The following F13A1 variants were observed in gnomAD, a reference collection of about 807,000 sequenced individuals.
F13A1 encodes the protein coagulation factor XIII A chain.
A neutral mutation model predicts 80.1 loss-of-function variants in F13A1; 47 were observed. The observed-to-expected ratio is 0.59, with a 90% confidence interval of 0.46 to 0.75. The LOEUF is 0.75. Ranked by LOEUF, F13A1 falls within the 30% of genes least tolerant of loss-of-function variation. The pLI is 0.00. For synonymous variants in F13A1, 349 were observed against 344.9 expected (o/e 1.01, Z -0.13); for missense variants, 817 against 930.4 (o/e 0.88, Z 1.59).
chr6:6,284,552 G>A (rs1758109288), intron 3 of F13A1, among the ~76,000 whole-genome samples: 1 of 152,182 alleles, frequency 6.6e-6, no homozygotes, highest in Admixed American at 6.5e-5. Context: ...GATTGCATGA[G>A]GGGAGCACAT....
chr6:6,204,058 G>A (rs531326742), intron 8 of F13A1, among the ~76,000 whole-genome samples: 8 of 152,310 alleles, frequency 5.3e-5, no homozygotes, highest in African/African-American at 9.6e-5. Context: ...AGCCTATGGG[G>A]TGGTGAAGAG....
At chr6:6,175,947 C>T (rs1369817406) in intron 11 of F13A1, among the ~76,000 whole-genome samples, 1 of 152,212 alleles carries the variant, frequency 6.6e-6, no homozygotes, top group African/African-American at 2.4e-5. Context: ...GAGCTTATGC[C>T]TCAGACACTG....
In F13A1 at chr6:6,247,542, G is replaced by A. The variant is rs112403938; in HGVS notation, c.798+770C>T. On this transcript the variant is annotated intron_variant, in intron 6 of 14. Coordinates refer to ENST00000264870, the MANE Select transcript of F13A1 (RefSeq NM_000129.4). The stretch of plus-strand genomic sequence containing the variant: ...GTCCTGGACATCCCATTTAATCCAC[G>A]TCCTATGCCTGGCCCACCCTTCCCA... Among the ~76,000 whole-genome samples, 312 of 152,150 alleles carry A rather than the reference G, an allele frequency of 2.1e-3. 1 individual carries two copies. The highest frequency in any genetic ancestry group is 7.3e-3 in the African/African-American group (302 of 41,508).
chr6:6,179,011 AG>A (rs1234306467), intron 11 of F13A1, among the ~76,000 whole-genome samples: 1 of 152,236 alleles, frequency 6.6e-6, no homozygotes, highest in Non-Finnish European at 1.5e-5. Flanking sequence ...ACGCAAGTCC[AG>A]GCAGCGCTCC....
intron 8 of F13A1, among the ~76,000 whole-genome samples, chr6:6,210,571 T>C (rs897984620): frequency 6.7e-6 from 1 of 149,698 alleles, no homozygotes; most frequent in Admixed American, 6.6e-5. Context: ...TTTTCTGTAT[T>C]TTTAGTAGAG....
intron 4 of F13A1, among the ~76,000 whole-genome samples, chr6:6,265,943 G>A (rs1208741399): frequency 6.6e-6 from 1 of 152,186 alleles, no homozygotes; most frequent in African/African-American, 2.4e-5. Flanking sequence ...GGTTGGTGAG[G>A]TTGGTGCAAA....
At chr6:6,244,018 G>A (rs1253677909) in intron 6 of F13A1, among the ~76,000 whole-genome samples, 3 of 152,186 alleles carry the variant, frequency 2.0e-5, no homozygotes, top group Non-Finnish European at 4.4e-5. Context: ...GTAATGCCAG[G>A]TGGTTGCACA....
chr6:6,271,989 T>C (rs1028867004), intron 3 of F13A1, among the ~76,000 whole-genome samples: 10 of 152,240 alleles, frequency 6.6e-5, no homozygotes, highest in Non-Finnish European at 1.0e-4. Flanking sequence ...CTAGGCTTGA[T>C]TGAGCTTTGT....
rs1758318766 is a variant in F13A1, at chr6:6,295,923, T to C, written c.319+9428A>G. On this transcript the variant is annotated intron_variant, in intron 3 of 14. Transcript: ENST00000264870. The stretch of plus-strand genomic sequence containing the variant: ...AATCCATCTTGAATTGATTTTTGTA[T>C]AAGCTGTAAGGAAGGGATCCAATTT... Among the ~76,000 whole-genome samples, 3 of 142,620 alleles carry C rather than the reference T, an allele frequency of 2.1e-5. No homozygotes were observed. In the South Asian group the frequency reaches 6.5e-4, roughly 31 times the overall value. 93.6% of individuals were successfully genotyped at this position (142,620 alleles called of 152,430 possible).
Position 6,174,944 on chromosome 6 carries a change from G to C in F13A1, c.1460-77C>G, listed in dbSNP as rs1045335950. Reference sequence around the variant, plus strand: ...AAAGTCACATTAATGGATGCACCGTGTACTGCACTTGTTGGGGTGTTTCTA... The same window carrying C: ...AAAGTCACATTAATGGATGCACCGTCTACTGCACTTGTTGGGGTGTTTCTA... On this transcript the variant is annotated intron_variant, in intron 11 of 14. Coordinates refer to ENST00000264870, the MANE Select transcript of F13A1 (RefSeq NM_000129.4). 37 of 1,536,950 alleles carry C rather than the reference G, an allele frequency of 2.4e-5. No individual in the cohort carries two copies. The African/African-American group carries it at 4.1e-4, about 17-fold the overall frequency.
rs1760241077 is a variant in F13A1, at chr6:6,144,475, C to T, written c.*1144G>A. On this transcript the variant is annotated 3_prime_UTR_variant, in exon 15 of 15. Transcript: ENST00000264870. The stretch of plus-strand genomic sequence containing the variant: ...TGACCATAAATCAGCCTTGCAAATA[C>T]ATAGCAGGCAGCCTTCTCTGTAGTA... The T allele has an allele frequency of 6.6e-6, 1 of 152,220 alleles. No individual in the cohort carries two copies. The highest frequency in any genetic ancestry group is 1.5e-5 in the Non-Finnish European group (1 of 68,046). 9.4% of individuals were successfully genotyped at this position (152,220 alleles called of 1,614,324 possible). A position where few individuals can be genotyped will look rare whatever the true frequency, so the allele number is the denominator to read the frequency against.
intron 11 of F13A1, among the ~76,000 whole-genome samples, chr6:6,179,316 A>G (rs949595312): frequency 6.6e-6 from 1 of 152,232 alleles, no homozygotes; most frequent in Non-Finnish European, 1.5e-5. Flanking sequence ...TATAAAGTTA[A>G]TAATAAGCTT....
At chr6:6,217,556 A>G (rs886464881) in intron 8 of F13A1, among the ~76,000 whole-genome samples, 2 of 150,460 alleles carry the variant, frequency 1.3e-5, no homozygotes, top group Admixed American at 1.3e-4. Context: ...GAGGGATAGC[A>G]CTGGGAGATA....
chr6:6,172,161 G>C lies in F13A1; in HGVS notation c.1747+2419C>G, dbSNP rs549043870. Among the ~76,000 whole-genome samples the C allele has an allele frequency of 7.0e-4, 105 of 150,788 alleles. 2 individuals carry two copies. Among genetic ancestry groups the C allele is most frequent in the African/African-American group, 2.5e-3 (101 of 40,166 alleles). Reference sequence around the variant, plus strand: ...AGGGGAATGAATCAAGAACCCCGGGGTGTGTGTGCTGTTTTTCCCCTTTGC... The same window carrying C: ...AGGGGAATGAATCAAGAACCCCGGGCTGTGTGTGCTGTTTTTCCCCTTTGC... On this transcript the variant is annotated intron_variant, in intron 12 of 14. Transcript: ENST00000264870.
chr6:6,241,687 T>C (rs1757485919), intron 6 of F13A1, among the ~76,000 whole-genome samples: 1 of 152,216 alleles, frequency 6.6e-6, no homozygotes, highest in Non-Finnish European at 1.5e-5. Context: ...TAGATATTGC[T>C]TTGTAATTAA....
At position 6,212,421 on chromosome 6, in the gene F13A1, T is replaced by A. The variant is rs1378125316; in HGVS notation, c.1112+9612A>T. The stretch of plus-strand genomic sequence containing the variant: ...GAGGCACCCCCCAGCAGGGGCACAC[T>A]GACACCTCACACGGCCGGGTACTCC... On this transcript the variant is annotated intron_variant, in intron 8 of 14. Transcript: ENST00000264870. Among the ~76,000 whole-genome samples, 4 of 152,300 alleles carry A rather than the reference T, an allele frequency of 2.6e-5. No individual in the cohort carries two copies. The East Asian group carries it at 5.8e-4, about 22-fold the overall frequency.
chr6:6,300,461 C>G (rs1329303294), intron 3 of F13A1, among the ~76,000 whole-genome samples: 1 of 152,014 alleles, frequency 6.6e-6, no homozygotes, highest in African/African-American at 2.4e-5. Flanking sequence ...GTTTTTTAAG[C>G]CTGTCGGAAA....
intron 13 of F13A1, among the ~76,000 whole-genome samples, chr6:6,167,094 T>C (rs921129896): frequency 6.6e-6 from 1 of 152,196 alleles, no homozygotes; most frequent in African/African-American, 2.4e-5. Context: ...ATCTACCTCT[T>C]ATAGCATGCC....
chr6:6,305,134 TTA>T, intron 3 of F13A1: 3 of 612,950 alleles, frequency 4.9e-6, no homozygotes, highest in Admixed American at 2.7e-5. Flanking sequence ...TTACTTTTAT[TTA>T]TATGAGATTT....
Sources: gnomAD v4.1 joint callset for allele counts (sites outside exome capture counted in the v4.1 genomes callset) on GRCh38, gnomAD v4.1.1 for gene constraint, MANE v1.5 for transcripts, NCBI Gene and HGNC (gene_info 2026-07-23, HGNC 2026-07-21) for gene names.